The following SLC9A9 variants were observed in gnomAD, a reference collection of about 807,000 sequenced individuals.
SLC9A9 encodes the protein sodium/hydrogen exchanger 9.
Under a neutral mutation model 77.8 loss-of-function variants are expected in SLC9A9, and 62 were observed. That is an observed-to-expected ratio of 0.80 (90% CI 0.65 to 0.98). SLC9A9 has a LOEUF of 0.98. SLC9A9 is among the 50% of genes least tolerant of loss of function. The probability of loss-of-function intolerance (pLI) is 0.00; values close to 1 mark genes in which losing one functional copy is unlikely to be tolerated. For synonymous variants in SLC9A9, 320 were observed against 283.5 expected, an observed-to-expected ratio of 1.13 and a Z score of -1.29; for missense variants, 775 against 774.9, an observed-to-expected ratio of 1.00 and a Z score of 0.00.
intron 12 of SLC9A9, among the ~76,000 whole-genome samples, chr3:143,439,900 C>T (rs1293702816): frequency 2.0e-5 from 3 of 152,032 alleles, no homozygotes; most frequent in African/African-American, 4.8e-5. Context: ...AAAGCTCAGG[C>T]ACCAACCTCT....
chr3:143,594,343 T>C (rs1559984611), intron 6 of SLC9A9, among the ~76,000 whole-genome samples: 1 of 152,208 alleles, frequency 6.6e-6, no homozygotes, highest in Non-Finnish European at 1.5e-5. Flanking sequence ...ATTGCAATGT[T>C]AATAGCTGCC....
intron 14 of SLC9A9, among the ~76,000 whole-genome samples, chr3:143,332,234 C>T (rs1418315754): frequency 6.6e-6 from 1 of 152,156 alleles, no homozygotes; most frequent in East Asian, 1.9e-4. Context: ...CCTAAAATGG[C>T]ATGAATGGTA....
At position 143,832,221 on chromosome 3, in the gene SLC9A9, C is replaced by T. The variant is rs1421984357; in HGVS notation, c.176G>A (p.Gly59Asp). 3 of 1,606,988 alleles carry T rather than the reference C, an allele frequency of 1.9e-6. No individual in the cohort carries two copies. Among genetic ancestry groups the T allele is most frequent in the Non-Finnish European group, 2.5e-6 (3 of 1,177,542 alleles). The change falls in exon 2 of 16, where the codon GGC becomes GAC. Residue 59 changes from glycine (G) to aspartate (D), a missense_variant and splice_region_variant. Transcript: ENST00000316549. ...LHETGGAMVY[G>D]LIMGLILRYA... ...TCGTAAAATTAGTCCCATTATAAGGCCTAAAAAAAAAAGAATAAATAATGG... is the reference window on the plus strand; with the variant it reads ...TCGTAAAATTAGTCCCATTATAAGGTCTAAAAAAAAAAGAATAAATAATGG...
intron 14 of SLC9A9, among the ~76,000 whole-genome samples, chr3:143,325,976 T>G (rs938603778): frequency 6.6e-6 from 1 of 152,254 alleles, no homozygotes; most frequent in Non-Finnish European, 1.5e-5. Flanking sequence ...GTTGAAACTC[T>G]AATATCACTT....
chr3:143,535,739 C>T (rs756839854), intron 9 of SLC9A9, among the ~76,000 whole-genome samples: 1 of 152,084 alleles, frequency 6.6e-6, no homozygotes. Flanking sequence ...ATAATATTTT[C>T]ACATAGATTA....
intron 14 of SLC9A9, among the ~76,000 whole-genome samples, chr3:143,352,535 A>G (rs1374381829): frequency 5.3e-5 from 7 of 132,890 alleles, no homozygotes; most frequent in African/African-American, 1.5e-4. Flanking sequence ...CTTCCCCTAC[A>G]TTTAAAAGGC....
intron 11 of SLC9A9, among the ~76,000 whole-genome samples, chr3:143,478,057 C>T (rs536856081): frequency 2.2e-4 from 33 of 152,278 alleles, no homozygotes; most frequent in South Asian, 1.5e-3. Flanking sequence ...TCCAAGTTCT[C>T]CCCAAGCCAC....
At chr3:143,314,067 T>G (rs796584366) in intron 14 of SLC9A9, among the ~76,000 whole-genome samples, 13 of 152,332 alleles carry the variant, frequency 8.5e-5, no homozygotes, top group African/African-American at 3.1e-4. Context: ...TGCATCCTAC[T>G]TAACTCTCTG....
intron 14 of SLC9A9, among the ~76,000 whole-genome samples, chr3:143,317,693 C>T (rs1266616749): frequency 2.0e-5 from 3 of 147,956 alleles, no homozygotes; most frequent in South Asian, 4.3e-4. Flanking sequence ...GTTCCATTTT[C>T]CTTATGTATT....
At chr3:143,299,902 G>T (rs1159810011) in intron 14 of SLC9A9, among the ~76,000 whole-genome samples, 2 of 152,164 alleles carry the variant, frequency 1.3e-5, no homozygotes, top group East Asian at 3.8e-4. Flanking sequence ...ACCTCAGGTA[G>T]GTCACTTAAA....
chr3:143,813,596 G>T (rs1180551271), intron 2 of SLC9A9, among the ~76,000 whole-genome samples: 2 of 152,174 alleles, frequency 1.3e-5, no homozygotes, highest in African/African-American at 4.8e-5. Context: ...ATTCTGTCCA[G>T]TTGGGTCTCT....
At chr3:143,543,186 C>T (rs1205705771) in intron 9 of SLC9A9, among the ~76,000 whole-genome samples, 1 of 152,158 alleles carries the variant, frequency 6.6e-6, no homozygotes. Context: ...GGATAGAATT[C>T]TTCCAAGGGG....
chr3:143,743,099 A>G (rs1935112809), intron 4 of SLC9A9, among the ~76,000 whole-genome samples: 1 of 152,092 alleles, frequency 6.6e-6, no homozygotes, highest in African/African-American at 2.4e-5. Flanking sequence ...TCCAGAACCC[A>G]TGACCCAGGT....
intron 4 of SLC9A9, among the ~76,000 whole-genome samples, chr3:143,738,661 C>T (rs1258907402): frequency 6.6e-6 from 1 of 152,164 alleles, no homozygotes; most frequent in Admixed American, 6.5e-5. Context: ...ATAAGACTGC[C>T]TCCATTATAG....
At chr3:143,815,405 G>C (rs988597089) in intron 2 of SLC9A9, among the ~76,000 whole-genome samples, 3 of 152,134 alleles carry the variant, frequency 2.0e-5, no homozygotes, top group Admixed American at 2.0e-4. Flanking sequence ...GCCACTAGTT[G>C]GGGAGAAGCG....
intron 5 of SLC9A9, among the ~76,000 whole-genome samples, chr3:143,684,572 A>G (rs891973950): frequency 2.0e-5 from 3 of 152,084 alleles, no homozygotes; most frequent in Admixed American, 1.3e-4. Flanking sequence ...CATGTTACAT[A>G]AGAGAAAACA....
chr3:143,312,647 T>C (rs1559863136), intron 14 of SLC9A9, among the ~76,000 whole-genome samples: 1 of 152,232 alleles, frequency 6.6e-6, no homozygotes, highest in African/African-American at 2.4e-5. Flanking sequence ...TTCAGGCAAC[T>C]CTCTCCTAGG....
chr3:143,568,242 A>C (rs2037202070), intron 8 of SLC9A9, among the ~76,000 whole-genome samples: 1 of 152,168 alleles, frequency 6.6e-6, no homozygotes, highest in South Asian at 2.1e-4. Flanking sequence ...AAAGTTTTAC[A>C]TACCAGGGGA....
intron 12 of SLC9A9, among the ~76,000 whole-genome samples, chr3:143,422,874 G>T (rs949613172): frequency 2.6e-5 from 4 of 152,172 alleles, no homozygotes; most frequent in African/African-American, 9.7e-5. Context: ...TCTGAAACAG[G>T]TATTATTGTC....
Sources: gnomAD v4.1 joint callset for allele counts (sites outside exome capture counted in the v4.1 genomes callset) on GRCh38, gnomAD v4.1.1 for gene constraint, MANE v1.5 for transcripts, NCBI Gene and HGNC (gene_info 2026-07-23, HGNC 2026-07-21) for gene names.